SYT2: variants seen among roughly 807,000 people sequenced by gnomAD.
The protein encoded by SYT2 is synaptotagmin 2, also known as synaptotagmin-2.
In SYT2, 15 loss-of-function variants were observed where a neutral mutation model predicts 39.9. The observed-to-expected ratio is 0.38, with a 90% confidence interval of 0.25 to 0.58. The LOEUF is 0.58. Ranked by LOEUF, SYT2 falls within the 20% of genes least tolerant of loss-of-function variation. SYT2 has a pLI of 0.70. For missense variants in SYT2, 389 were observed against 530.3 expected, an observed-to-expected ratio of 0.73 and a Z score of 2.62; for synonymous variants, 181 against 204.5, an observed-to-expected ratio of 0.89 and a Z score of 0.98.
intron 1 of SYT2, among the ~76,000 whole-genome samples, chr1:202,656,468 G>A (rs1212858737): frequency 6.6e-6 from 1 of 152,244 alleles, no homozygotes; most frequent in Non-Finnish European, 1.5e-5. Flanking sequence ...CAAAGACCAA[G>A]GGATCAGGAG....
At chr1:202,646,776 G>T (rs1426984578) in intron 1 of SYT2, among the ~76,000 whole-genome samples, 1 of 152,172 alleles carries the variant, frequency 6.6e-6, no homozygotes, top group African/African-American at 2.4e-5. Context: ...AAGGGAAGGA[G>T]CATCTTACTC....
intron 1 of SYT2, among the ~76,000 whole-genome samples, chr1:202,618,782 G>A (rs567527820): frequency 6.6e-6 from 1 of 152,070 alleles, no homozygotes; most frequent in Non-Finnish European, 1.5e-5. Flanking sequence ...TTTTCCCTGG[G>A]AGACACGCCA....
At chr1:202,631,935 T>C in intron 1 of SYT2, 1 of 720,690 alleles carries the variant, frequency 1.4e-6, no homozygotes, top group South Asian at 6.2e-5. Context: ...CAGCCCTTGC[T>C]GCTGATTGGC....
At chr1:202,704,851 C>A (rs968362787) in intron 1 of SYT2, among the ~76,000 whole-genome samples, 1 of 152,208 alleles carries the variant, frequency 6.6e-6, no homozygotes, top group African/African-American at 2.4e-5. Context: ...CACCCTGGGG[C>A]CTCCCTCCTT....
chr1:202,670,012 C>T (rs1201026825), intron 1 of SYT2, among the ~76,000 whole-genome samples: 1 of 152,114 alleles, frequency 6.6e-6, no homozygotes, highest in African/African-American at 2.4e-5. Flanking sequence ...ACCCACACCC[C>T]AACATTCATC....
chr1:202,666,070 G>A (rs527872312), intron 1 of SYT2, among the ~76,000 whole-genome samples: 216 of 151,410 alleles, frequency 1.4e-3, no homozygotes, highest in African/African-American at 4.7e-3. Context: ...GGAGAATGGC[G>A]TGAACCAGGG....
At chr1:202,675,158 C>G (rs1653332000) in intron 1 of SYT2, among the ~76,000 whole-genome samples, 1 of 152,048 alleles carries the variant, frequency 6.6e-6, no homozygotes, top group Non-Finnish European at 1.5e-5. Flanking sequence ...CATATGTGCA[C>G]TAGGATGTCT....
chr1:202,698,837 C>G (rs1374321681), intron 1 of SYT2, among the ~76,000 whole-genome samples: 1 of 152,126 alleles, frequency 6.6e-6, no homozygotes, highest in Non-Finnish European at 1.5e-5. Context: ...TACTTTCCAG[C>G]AGACAACTCT....
At chr1:202,665,135 C>A (rs1692458026) in intron 1 of SYT2, among the ~76,000 whole-genome samples, 1 of 152,134 alleles carries the variant, frequency 6.6e-6, no homozygotes, top group Admixed American at 6.5e-5. Flanking sequence ...GTCTTCTGTT[C>A]TAAGAAACTC....
chr1:202,620,885 T>A (rs1371433209), intron 1 of SYT2, among the ~76,000 whole-genome samples: 2 of 152,130 alleles, frequency 1.3e-5, no homozygotes, highest in African/African-American at 4.8e-5. Context: ...TCAGCCTACA[T>A]GGGAGAATCA....
chr1:202,612,466 C>T (rs1181018133), intron 1 of SYT2, among the ~76,000 whole-genome samples: 1 of 152,186 alleles, frequency 6.6e-6, no homozygotes, highest in African/African-American at 2.4e-5. Context: ...CTCCCGGGCT[C>T]AATTGATCCT....
intron 1 of SYT2, among the ~76,000 whole-genome samples, chr1:202,626,201 A>G (rs922589427): frequency 6.6e-6 from 1 of 151,994 alleles, no homozygotes; most frequent in Non-Finnish European, 1.5e-5. Flanking sequence ...GGGTCACCTT[A>G]CAGCCTCGGG....
intron 1 of SYT2, among the ~76,000 whole-genome samples, chr1:202,649,497 G>C (rs956513726): frequency 6.6e-6 from 1 of 152,180 alleles, no homozygotes; most frequent in Non-Finnish European, 1.5e-5. Flanking sequence ...TAGGAGAGAG[G>C]ATTATTCTTA....
chr1:202,655,612 G>T (rs1692264695), intron 1 of SYT2, among the ~76,000 whole-genome samples: 1 of 152,180 alleles, frequency 6.6e-6, no homozygotes, highest in African/African-American at 2.4e-5. Flanking sequence ...GGACACTGGG[G>T]CTCAGAGAAG....
intron 1 of SYT2, among the ~76,000 whole-genome samples, chr1:202,633,670 G>A (rs1201353505): frequency 2.0e-5 from 3 of 152,122 alleles, no homozygotes; most frequent in Non-Finnish European, 2.9e-5. Flanking sequence ...GGAAACTTAG[G>A]ATCAATTGTT....
chr1:202,688,330 C>T (rs1270291799), intron 1 of SYT2, among the ~76,000 whole-genome samples: 1 of 152,200 alleles, frequency 6.6e-6, no homozygotes, highest in Non-Finnish European at 1.5e-5. Flanking sequence ...TTTATTCATT[C>T]CTTAGCAGTG....
chr1:202,703,213 G>C (rs1471390224), intron 1 of SYT2, among the ~76,000 whole-genome samples: 1 of 151,976 alleles, frequency 6.6e-6, no homozygotes, highest in African/African-American at 2.4e-5. Context: ...TTCTGGTCTG[G>C]AAAGGAAAAA....
intron 1 of SYT2, among the ~76,000 whole-genome samples, chr1:202,675,107 T>C (rs1653330760): frequency 6.6e-6 from 1 of 152,150 alleles, no homozygotes; most frequent in South Asian, 2.1e-4. Flanking sequence ...AGTAGTTAAC[T>C]GTTGAATGAG....
intron 1 of SYT2, among the ~76,000 whole-genome samples, chr1:202,693,553 G>A (rs757136081): frequency 2.6e-5 from 4 of 152,162 alleles, no homozygotes; most frequent in Non-Finnish European, 4.4e-5. Flanking sequence ...CACTGGAAGG[G>A]CAAGAAAAAT....
Sources: gnomAD v4.1 joint callset for allele counts (sites outside exome capture counted in the v4.1 genomes callset) on GRCh38, gnomAD v4.1.1 for gene constraint, MANE v1.5 for transcripts, NCBI Gene and HGNC (gene_info 2026-07-23, HGNC 2026-07-21) for gene names.